The following SPATA16 variants were observed in gnomAD, a reference collection of about 807,000 sequenced individuals.
The protein encoded by SPATA16 is spermatogenesis associated 16.
Under a neutral mutation model 63.3 loss-of-function variants are expected in SPATA16, and 36 were observed. The ratio of observed to expected loss-of-function variants is 0.57; its 90% CI spans 0.44 to 0.75. The LOEUF is 0.75. Among genes scored for constraint, SPATA16 ranks in the 30% least tolerant of loss-of-function variants. The pLI, the probability that SPATA16 is intolerant of heterozygous loss-of-function variation, is 0.00. For missense variants in SPATA16, 646 were observed against 679.3 expected, an observed-to-expected ratio of 0.95 and a Z score of 0.54; for synonymous variants, 203 against 216.7, an observed-to-expected ratio of 0.94 and a Z score of 0.56.
chr3:172,979,242 A>G (rs1163531378), intron 4 of SPATA16, among the ~76,000 whole-genome samples: 2 of 149,274 alleles, frequency 1.3e-5, no homozygotes, highest in Admixed American at 6.7e-5. Flanking sequence ...GTCTCAAAAA[A>G]AGAAAAAAAA....
At chr3:173,001,708 C>G (rs1734833248) in intron 4 of SPATA16, among the ~76,000 whole-genome samples, 1 of 152,136 alleles carries the variant, frequency 6.6e-6, no homozygotes, top group African/African-American at 2.4e-5. Flanking sequence ...AGCTATTATT[C>G]TTTGTATCTA....
intron 4 of SPATA16, among the ~76,000 whole-genome samples, chr3:173,007,763 T>C (rs1390647026): frequency 6.6e-6 from 1 of 151,936 alleles, no homozygotes; most frequent in Non-Finnish European, 1.5e-5. Context: ...TTGAACTTGG[T>C]AAAATACATC....
intron 1 of SPATA16, among the ~76,000 whole-genome samples, chr3:173,134,044 A>G (rs1287072874): frequency 6.6e-6 from 1 of 152,232 alleles, no homozygotes; most frequent in Non-Finnish European, 1.5e-5. Flanking sequence ...AACAAAGCTG[A>G]CAGACTTGGC....
chr3:173,096,809 C>A (rs1697574866), intron 2 of SPATA16, among the ~76,000 whole-genome samples: 1 of 142,080 alleles, frequency 7.0e-6, no homozygotes, highest in South Asian at 2.4e-4. Flanking sequence ...GAGCAAAACA[C>A]CAGAAACAAC....
chr3:173,132,871 A>T (rs906807860), intron 1 of SPATA16, among the ~76,000 whole-genome samples: 1 of 152,210 alleles, frequency 6.6e-6, no homozygotes, highest in African/African-American at 2.4e-5. Flanking sequence ...TCAGATTTAA[A>T]AGAACTCAAT....
At chr3:173,076,854 C>G (rs1459096896) in intron 2 of SPATA16, among the ~76,000 whole-genome samples, 1 of 152,096 alleles carries the variant, frequency 6.6e-6, no homozygotes, top group Admixed American at 6.6e-5. Flanking sequence ...CTGTAGTGAA[C>G]TCTGATCCTT....
chr3:172,993,328 C>G (rs1342463276), intron 4 of SPATA16, among the ~76,000 whole-genome samples: 1 of 151,938 alleles, frequency 6.6e-6, no homozygotes, highest in Non-Finnish European at 1.5e-5. Context: ...AATTTGAAAC[C>G]TATTTTTAAA....
At chr3:173,120,933 A>G (rs1738048150) in intron 1 of SPATA16, among the ~76,000 whole-genome samples, 1 of 152,014 alleles carries the variant, frequency 6.6e-6, no homozygotes, top group African/African-American at 2.4e-5. Context: ...TTTACACAAG[A>G]AAAAATAACA....
At position 172,920,726 on chromosome 3, in the gene SPATA16, T is replaced by C. The variant is rs576347178; in HGVS notation, c.1338+3482A>G. On this transcript the variant is annotated intron_variant, in intron 8 of 10. Coordinates refer to ENST00000351008, the MANE Select transcript of SPATA16 (RefSeq NM_031955.6). ...CTAATATTTACAAAGTGACTAAATA[T>C]TCAATATGTTTAGGGAACAGATCAT... Among the ~76,000 whole-genome samples the C allele has an allele frequency of 7.5e-4, 114 of 152,338 alleles. 2 individuals carry two copies. The highest frequency in any genetic ancestry group is 2.8e-4 in the Non-Finnish European group (19 of 68,028).
intron 2 of SPATA16, among the ~76,000 whole-genome samples, chr3:173,094,255 C>T (rs533947577): frequency 1.3e-5 from 2 of 152,274 alleles, no homozygotes; most frequent in South Asian, 4.1e-4. Context: ...ATAAGAACAA[C>T]ATCCAAGGGT....
Position 172,925,177 on chromosome 3 carries a change from G to T in SPATA16, c.1228+169C>A, listed in dbSNP as rs556089518. ...TAGAGTGAGGGGGGTGGGCATTCCA[G>T]GATTGTGTGTGTTCTTGGGGAAAGA... On this transcript the variant is annotated intron_variant, in intron 7 of 10. Coordinates refer to ENST00000351008, the MANE Select transcript of SPATA16 (RefSeq NM_031955.6). Among the ~76,000 whole-genome samples, 350 of 152,208 alleles carry T rather than the reference G, an allele frequency of 2.3e-3. 1 individual carries two copies. Among genetic ancestry groups the T allele is most frequent in the African/African-American group, 8.2e-3 (342 of 41,536 alleles).
At chr3:173,041,668 G>A (rs1475653207) in intron 3 of SPATA16, among the ~76,000 whole-genome samples, 2 of 152,008 alleles carry the variant, frequency 1.3e-5, no homozygotes, top group East Asian at 1.9e-4. Context: ...CTATAGTATT[G>A]TAGTTTTGTT....
chr3:173,054,226 A>G (rs1306458886), intron 2 of SPATA16, among the ~76,000 whole-genome samples: 2 of 152,218 alleles, frequency 1.3e-5, no homozygotes, highest in Non-Finnish European at 2.9e-5. Context: ...TGACATACAT[A>G]CATAAATACT....
intron 2 of SPATA16, among the ~76,000 whole-genome samples, chr3:173,096,215 G>A (rs1262091607): frequency 3.9e-5 from 6 of 151,976 alleles, no homozygotes; most frequent in Non-Finnish European, 8.8e-5. Flanking sequence ...GGTCAGCGCT[G>A]GCACTATCAT....
chr3:173,094,184 T>G (rs1458774691), intron 2 of SPATA16, among the ~76,000 whole-genome samples: 4 of 152,148 alleles, frequency 2.6e-5, no homozygotes, highest in Admixed American at 2.6e-4. Context: ...ATATTTGTAT[T>G]TTCATAATTG....
rs766944567 is a variant in SPATA16, at chr3:172,889,571, T to G, written c.1709A>C (p.Ter570SerextTer9). 10 of 1,613,580 alleles carry G rather than the reference T, an allele frequency of 6.2e-6. No homozygotes were observed. The highest frequency in any genetic ancestry group is 8.5e-6 in the Non-Finnish European group (10 of 1,179,822). Residue 570 changes from the stop codon to serine, a stop_lost, in exon 11 of 11, where the codon TAG (stop) becomes TCG (serine). Coordinates refer to ENST00000351008, the MANE Select transcript of SPATA16 (RefSeq NM_031955.6). ...MKRLQTVQQR[*>S] is the part of the protein sequence containing the mutation. ...GTGGTAGTGCCTGCTCCCTAATGACTACCTTTGCTGAACAGTTTGAAGTCG... is the reference window on the plus strand; with the variant it reads ...GTGGTAGTGCCTGCTCCCTAATGACGACCTTTGCTGAACAGTTTGAAGTCG...
chr3:172,980,131 A>C (rs908764626), intron 4 of SPATA16, among the ~76,000 whole-genome samples: 3 of 152,214 alleles, frequency 2.0e-5, no homozygotes, highest in Non-Finnish European at 4.4e-5. Context: ...ATGATATGAA[A>C]AGTGCATGGA....
At chr3:172,893,754 T>C (rs1018535648) in intron 10 of SPATA16, among the ~76,000 whole-genome samples, 1 of 152,210 alleles carries the variant, frequency 6.6e-6, no homozygotes, top group Admixed American at 6.5e-5. Flanking sequence ...CTCTTGCCAC[T>C]AATGGCCGTG....
intron 5 of SPATA16, among the ~76,000 whole-genome samples, chr3:172,976,505 A>C (rs1370370692): frequency 6.6e-6 from 1 of 152,146 alleles, no homozygotes; most frequent in Non-Finnish European, 1.5e-5. Context: ...AATAAATGAG[A>C]AACAAGATCT....
Sources: gnomAD v4.1 joint callset for allele counts (sites outside exome capture counted in the v4.1 genomes callset) on GRCh38, gnomAD v4.1.1 for gene constraint, MANE v1.5 for transcripts, NCBI Gene and HGNC (gene_info 2026-07-23, HGNC 2026-07-21) for gene names.